MCM8: variants seen among roughly 807,000 people sequenced by gnomAD.
MCM8 encodes the protein DNA helicase MCM8.
A neutral mutation model predicts 98.9 loss-of-function variants in MCM8; 85 were observed. The ratio of observed to expected loss-of-function variants is 0.86; its 90% CI spans 0.72 to 1.03. The LOEUF (loss-of-function observed/expected upper bound fraction) is 1.03. MCM8 is among the 50% of genes least tolerant of loss of function. The pLI is 0.00. For synonymous variants in MCM8, 352 were observed against 338.6 expected, an observed-to-expected ratio of 1.04 and a Z score of -0.44; for missense variants, 951 against 997.8, an observed-to-expected ratio of 0.95 and a Z score of 0.63.
intron 13 of MCM8, among the ~76,000 whole-genome samples, chr20:5,980,863 CTCTG>C (rs1474770948): frequency 2.9e-5 from 4 of 139,306 alleles, no homozygotes; most frequent in Non-Finnish European, 4.5e-5. Context: ...CAGAACGAAA[CTCTG>C]TCTCTCAAAA....
intron 3 of MCM8, among the ~76,000 whole-genome samples, chr20:5,953,800 G>A (rs75630420): frequency 3.3e-5 from 5 of 151,588 alleles, no homozygotes; most frequent in Non-Finnish European, 5.9e-5. Context: ...AGGAAAACTA[G>A]ACGTTTGAGG....
intron 17 of MCM8, among the ~76,000 whole-genome samples, chr20:5,989,701 G>A (rs1305557680): frequency 6.6e-6 from 1 of 152,098 alleles, no homozygotes; most frequent in East Asian, 1.9e-4. Flanking sequence ...CCCATCCCTG[G>A]AGGCTGCTGT....
intron 13 of MCM8, among the ~76,000 whole-genome samples, chr20:5,979,217 T>A (rs2089579819): frequency 6.6e-6 from 1 of 152,306 alleles, no homozygotes; most frequent in East Asian, 1.9e-4. Context: ...CAGGCCACTT[T>A]ACTTCATTCT....
intron 3 of MCM8, 63 bp from the exon 4 acceptor site, chr20:5,954,545 C>A: frequency 1.1e-6 from 1 of 921,718 alleles, no homozygotes; most frequent in Non-Finnish European, 1.8e-6. Flanking sequence ...CTGCTTTTGT[C>A]TCATGAAAAA....
intron 17 of MCM8, among the ~76,000 whole-genome samples, chr20:5,988,322 C>T (rs543680703): frequency 2.6e-5 from 4 of 152,066 alleles, no homozygotes; most frequent in African/African-American, 9.6e-5. Context: ...ATTAGCTGGG[C>T]GTGGTGGCTA....
chr20:5,981,944 A>G (rs2089638316), intron 13 of MCM8, among the ~76,000 whole-genome samples: 1 of 152,236 alleles, frequency 6.6e-6, no homozygotes, highest in African/African-American at 2.4e-5. Flanking sequence ...GAAAGGCTTG[A>G]GATAATTGCA....
At chr20:5,975,348 CT>C (rs2089486639) in intron 12 of MCM8, among the ~76,000 whole-genome samples, 1 of 151,262 alleles carries the variant, frequency 6.6e-6, no homozygotes, top group Non-Finnish European at 1.5e-5. Context: ...TCTTTTCTGT[CT>C]TTTGTGTGGT....
chr20:5,951,533 C>A (rs2088823155), intron 1 of MCM8, among the ~76,000 whole-genome samples: 1 of 152,118 alleles, frequency 6.6e-6, no homozygotes, highest in Admixed American at 6.5e-5. Context: ...TACAGAAAAA[C>A]TGCACAAAAA....
chr20:5,982,896 ATT>A, intron 13 of MCM8, 72 bp from the exon 14 acceptor site: 2 of 1,246,402 alleles, frequency 1.6e-6, no homozygotes, highest in Non-Finnish European at 2.3e-6. Context: ...TTGTGAAACA[ATT>A]TCTATCCTAT....
At chr20:5,951,686 A>C (rs1042212996) in intron 1 of MCM8, among the ~76,000 whole-genome samples, 6 of 152,214 alleles carry the variant, frequency 3.9e-5, no homozygotes, top group African/African-American at 1.4e-4. Flanking sequence ...TCATAGAGTT[A>C]ATTACCTGTC....
intron 3 of MCM8, among the ~76,000 whole-genome samples, chr20:5,953,778 C>CTTT (rs11479606): frequency 6.8e-6 from 1 of 147,976 alleles, no homozygotes; most frequent in Non-Finnish European, 1.5e-5. Context: ...CAGCCGCATA[C>CTTT]TTTTTTTTTT....
Position 5,955,955 on chromosome 20 carries a change from G to C in MCM8, c.486+704G>C, listed in dbSNP as rs760256152. On this transcript the variant is annotated intron_variant, in intron 5 of 18. Transcript: ENST00000610722. ...AGCTAAGTTTTGGAGTTTTAGTAGA[G>C]ACGGGGTTTCACGATGTTGGCCAGG... Among the ~76,000 whole-genome samples the C allele has an allele frequency of 1.3e-3, 199 of 152,148 alleles. 1 individual carries two copies. The highest frequency in any genetic ancestry group is 2.5e-3 in the Non-Finnish European group (167 of 67,986).
chr20:5,954,608 T>G lies in MCM8; in HGVS notation c.254T>G (p.Val85Gly). ...YKGWKLYFSE[V>G]YSDSSPLIEK... The stretch of plus-strand genomic sequence containing the variant: ...GCTAATGCCATATTTGTTGGATTAG[T>G]TTACAGCGATAGCTCTCCTTTGATT... Residue 85 changes from valine to glycine, a missense_variant and splice_region_variant, in exon 4 of 19, where the codon GTT (valine) becomes GGT (glycine). Transcript: ENST00000610722. 6.3e-7 allele frequency: 1 copy of G among 1,597,570 alleles called. No homozygotes were observed. The highest frequency in any genetic ancestry group is 8.6e-7 in the Non-Finnish European group (1 of 1,165,626).
chr20:5,954,151 A>C (rs1183122010), intron 3 of MCM8, among the ~76,000 whole-genome samples: 1 of 152,174 alleles, frequency 6.6e-6, no homozygotes, highest in East Asian at 1.9e-4. Context: ...GAGTGTTAAA[A>C]AAAAAAAGGC....
intron 17 of MCM8, among the ~76,000 whole-genome samples, chr20:5,988,135 C>T (rs981274820): frequency 2.0e-5 from 3 of 151,770 alleles, no homozygotes; most frequent in Non-Finnish European, 4.4e-5. Context: ...TTTAATAGGT[C>T]CATACTTTCA....
chr20:5,970,954 G>A (rs999154145), intron 10 of MCM8, among the ~76,000 whole-genome samples: 1 of 152,026 alleles, frequency 6.6e-6, no homozygotes, highest in African/African-American at 2.4e-5. Context: ...GACTAAAGGT[G>A]TATGCCACCA....
At chr20:5,980,155 G>A (rs1306756788) in intron 13 of MCM8, among the ~76,000 whole-genome samples, 2 of 152,102 alleles carry the variant, frequency 1.3e-5, no homozygotes, top group Non-Finnish European at 2.9e-5. Flanking sequence ...CCTAAATACC[G>A]TATTTTAACT....
chr20:5,961,224 C>T (rs2089134905), intron 7 of MCM8, among the ~76,000 whole-genome samples: 1 of 152,096 alleles, frequency 6.6e-6, no homozygotes, highest in Non-Finnish European at 1.5e-5. Flanking sequence ...AAAAAACAAA[C>T]TAGTGATCTA....
chr20:5,979,597 G>C (rs1378416986), intron 13 of MCM8, among the ~76,000 whole-genome samples: 38 of 152,130 alleles, frequency 2.5e-4, no homozygotes, highest in Admixed American at 2.5e-3. Flanking sequence ...AGCCATCCTT[G>C]ACTTTTTCTC....
Sources: allele counts gnomAD v4.1 joint callset (sites outside exome capture counted in the v4.1 genomes callset), GRCh38; gene constraint gnomAD v4.1.1; transcripts MANE v1.5; gene names NCBI Gene and HGNC (gene_info 2026-07-23, HGNC 2026-07-21).